The following ZNF618 variants were observed in gnomAD, a reference collection of about 807,000 sequenced individuals.
The protein encoded by ZNF618 is zinc finger protein 618.
ZNF618 carries 34 observed loss-of-function variants against 103.0 expected under a neutral mutation model. The observed-to-expected ratio is 0.33, with a 90% confidence interval of 0.25 to 0.44. ZNF618 has a LOEUF of 0.44. ZNF618 is among the 20% of genes least tolerant of loss of function. ZNF618 has a pLI of 1.00. For missense variants in ZNF618, 1,059 were observed against 1,295.4 expected, an observed-to-expected ratio of 0.82 and a Z score of 2.80; for synonymous variants, 551 against 542.2, an observed-to-expected ratio of 1.02 and a Z score of -0.23.
At chr9:113,899,529 G>A (rs1009624948) in intron 1 of ZNF618, among the ~76,000 whole-genome samples, 3 of 152,178 alleles carry the variant, frequency 2.0e-5, no homozygotes, top group Non-Finnish European at 2.9e-5. Flanking sequence ...TTGTGCACAC[G>A]AGGGATCTTG....
chr9:113,878,220 C>A (rs1587902452), intron 1 of ZNF618, among the ~76,000 whole-genome samples: 1 of 147,924 alleles, frequency 6.8e-6, no homozygotes. Context: ...ACTGACTTAA[C>A]AAGAAAAAGA....
chr9:114,001,351 G>T (rs1340710653), intron 4 of ZNF618, among the ~76,000 whole-genome samples: 3 of 152,136 alleles, frequency 2.0e-5, no homozygotes, highest in Non-Finnish European at 2.9e-5. Context: ...CAGCAGGTGT[G>T]GGGGGCGGTC....
At chr9:113,879,397 G>GTT (rs35301339) in intron 1 of ZNF618, among the ~76,000 whole-genome samples, 252 of 95,530 alleles carry the variant, frequency 2.6e-3, no homozygotes, top group East Asian at 0.011. Flanking sequence ...TTTTTTTTCT[G>GTT]TTTTTTTTTT....
chr9:113,878,891 A>G (rs1308951117), intron 1 of ZNF618, among the ~76,000 whole-genome samples: 1 of 152,210 alleles, frequency 6.6e-6, no homozygotes, highest in Non-Finnish European at 1.5e-5. Context: ...TATATTTGAC[A>G]ATGGCAGAGG....
chr9:113,923,973 C>G (rs996836022), intron 1 of ZNF618, among the ~76,000 whole-genome samples: 3 of 151,966 alleles, frequency 2.0e-5, no homozygotes, highest in African/African-American at 7.2e-5. Context: ...TTTTGGAGCA[C>G]TTTGGATTTA....
intron 1 of ZNF618, among the ~76,000 whole-genome samples, chr9:113,959,188 C>G (rs1466239905): frequency 6.6e-6 from 1 of 151,922 alleles, no homozygotes; most frequent in African/African-American, 2.4e-5. Context: ...ACTCAGGAGG[C>G]TGAGGCAGGA....
Position 114,050,037 on chromosome 9 carries a change from C to T in ZNF618, c.2735C>T (p.Ala912Val). Residue 912 changes from alanine to valine, a missense_variant, in exon 15 of 15, where the codon GCG becomes GTG. Ala to Val is a moderately conservative substitution (Grantham distance 64). Transcript: ENST00000374126. ...GCCAAGCTCGCCTTCTGGCTCCTGG[C>T]GGTTCCGGCCGTGGGCGCCAGAAGC... is the stretch of plus-strand genomic sequence containing the variant. Reference protein sequence around the residue: ...KLAKLAFWLLAVPAVGARSGC... With the variant: ...KLAKLAFWLLVVPAVGARSGC... The T allele has an allele frequency of 3.1e-6, 5 of 1,613,856 alleles. No homozygotes were observed. Among genetic ancestry groups the T allele is most frequent in the Non-Finnish European group, 3.4e-6 (4 of 1,179,894 alleles).
intron 10 of ZNF618, among the ~76,000 whole-genome samples, chr9:114,020,088 G>A (rs572204684): frequency 6.6e-6 from 1 of 152,280 alleles, no homozygotes; most frequent in African/African-American, 2.4e-5. Context: ...AACATCATGT[G>A]TTGAAAAGAT....
chr9:114,029,658 G>A (rs933081501), intron 11 of ZNF618, among the ~76,000 whole-genome samples: 14 of 152,118 alleles, frequency 9.2e-5, no homozygotes, highest in African/African-American at 3.4e-4. Context: ...ATTTCAACAA[G>A]GATCTGCTCT....
intron 1 of ZNF618, among the ~76,000 whole-genome samples, chr9:113,959,971 C>T (rs959533425): frequency 1.3e-5 from 2 of 152,206 alleles, no homozygotes; most frequent in East Asian, 1.9e-4. Context: ...TCTATTCTTC[C>T]ATCTCTCCCA....
intron 10 of ZNF618, among the ~76,000 whole-genome samples, chr9:114,020,177 CTGTT>C (rs1487760503): frequency 3.3e-5 from 5 of 152,210 alleles, no homozygotes; most frequent in East Asian, 1.9e-4. Flanking sequence ...TTCCGTTGGC[CTGTT>C]TGTTTATCTT....
At chr9:113,988,772 C>A (rs906724779) in intron 3 of ZNF618, among the ~76,000 whole-genome samples, 192 bp downstream of exon 3, 4 of 152,180 alleles carry the variant, frequency 2.6e-5, no homozygotes, top group African/African-American at 4.8e-5. Flanking sequence ...GGCTGGAGAG[C>A]GCTTCTGTTT....
intron 1 of ZNF618, among the ~76,000 whole-genome samples, chr9:113,912,229 A>G (rs531598528): frequency 3.7e-4 from 56 of 152,304 alleles, no homozygotes; most frequent in African/African-American, 1.3e-3. Context: ...TGGGGCACTG[A>G]TCCCACTCTT....
chr9:114,019,173 T>C (rs1020835857), intron 10 of ZNF618, among the ~76,000 whole-genome samples: 1 of 99,946 alleles, frequency 1.0e-5, no homozygotes, highest in African/African-American at 2.7e-5. Context: ...TATTCTCATA[T>C]GTATCAGTTG....
chr9:113,981,568 G>A (rs1444792622), intron 2 of ZNF618, among the ~76,000 whole-genome samples: 5 of 152,144 alleles, frequency 3.3e-5, no homozygotes, highest in Non-Finnish European at 2.9e-5. Flanking sequence ...ATCATTATTG[G>A]CAGAATGATG....
chr9:114,046,474 AG>A (rs1845664705), intron 13 of ZNF618, among the ~76,000 whole-genome samples: 1 of 152,200 alleles, frequency 6.6e-6, no homozygotes, highest in Non-Finnish European at 1.5e-5. Flanking sequence ...TATACCATCT[AG>A]GTTTGTGTAA....
intron 1 of ZNF618, among the ~76,000 whole-genome samples, chr9:113,876,622 G>T (rs938608825): frequency 1.1e-4 from 17 of 151,916 alleles, no homozygotes; most frequent in Non-Finnish European, 7.4e-5. Context: ...GTGACGAGGG[G>T]GTCTTTTGGG....
intron 2 of ZNF618, among the ~76,000 whole-genome samples, chr9:113,979,939 G>A (rs2133097992): frequency 6.6e-6 from 1 of 152,292 alleles, no homozygotes; most frequent in South Asian, 2.1e-4. Flanking sequence ...GTGTATAGGG[G>A]AAAGGGAGAT....
chr9:114,002,608 C>T lies in ZNF618; in HGVS notation c.512-16C>T. 1.9e-6 allele frequency: 3 copies of T among 1,609,278 alleles called. No homozygotes were observed. The highest frequency in any genetic ancestry group is 2.5e-6 in the Non-Finnish European group (3 of 1,179,406). On this transcript the variant is annotated splice_polypyrimidine_tract_variant and intron_variant, in intron 5 of 14. Coordinates refer to ENST00000374126, the MANE Select transcript of ZNF618 (RefSeq NM_001318042.2). ...CCGGTAGCCCCACCCCCATCCCTCT[C>T]TCTCTCTCTTTGCAGACACCGAAGC... is the stretch of plus-strand genomic sequence containing the variant.
Sources: gnomAD v4.1 joint callset for allele counts (sites outside exome capture counted in the v4.1 genomes callset) on GRCh38, gnomAD v4.1.1 for gene constraint, MANE v1.5 for transcripts, NCBI Gene and HGNC (gene_info 2026-07-23, HGNC 2026-07-21) for gene names.